Variants in DLG2 observed in about 807,000 individuals in gnomAD.
DLG2 encodes discs large MAGUK scaffold protein 2, also known as disks large homolog 2.
A neutral mutation model predicts 132.5 loss-of-function variants in DLG2; 45 were observed. The ratio of observed to expected loss-of-function variants is 0.34; its 90% CI spans 0.27 to 0.44. The LOEUF is 0.44. Among genes scored for constraint, DLG2 ranks in the 20% least tolerant of loss-of-function variants. The pLI is 1.00. For synonymous variants in DLG2, 424 were observed against 419.6 expected (o/e 1.01, Z -0.13); for missense variants, 1,045 against 1,196.9 (o/e 0.87, Z 1.87).
chr11:84,510,761 C>T (rs117648571), intron 7 of DLG2, among the ~76,000 whole-genome samples: 1 of 152,234 alleles, frequency 6.6e-6, no homozygotes, highest in Non-Finnish European at 1.5e-5. Context: ...TATGGCCTTA[C>T]ATAATGGGAA....
At chr11:84,970,423 G>A (rs1177888919) in intron 6 of DLG2, among the ~76,000 whole-genome samples, 1 of 151,956 alleles carries the variant, frequency 6.6e-6, no homozygotes, top group African/African-American at 2.4e-5. Context: ...AGTCCATTTG[G>A]GCTGCCATAA....
intron 6 of DLG2, among the ~76,000 whole-genome samples, chr11:85,082,149 T>C (rs1212993385): frequency 6.6e-6 from 1 of 152,172 alleles, no homozygotes; most frequent in Non-Finnish European, 1.5e-5. Flanking sequence ...TTTGATCAAT[T>C]TGTCTTTTAT....
intron 21 of DLG2, among the ~76,000 whole-genome samples, chr11:83,501,580 C>T (rs2094455000): frequency 2.0e-5 from 3 of 152,184 alleles, no homozygotes; most frequent in African/African-American, 4.8e-5. Context: ...TTTCTTTCAT[C>T]TCTACCATTC....
At chr11:83,684,795 C>T (rs543762011) in intron 18 of DLG2, among the ~76,000 whole-genome samples, 129 of 152,226 alleles carry the variant, frequency 8.5e-4, no homozygotes, top group Non-Finnish European at 1.5e-3. Flanking sequence ...CCATTTTCCC[C>T]TGCTACCTGG....
chr11:85,075,946 G>T (rs1346811314), intron 6 of DLG2, among the ~76,000 whole-genome samples: 3 of 151,732 alleles, frequency 2.0e-5, no homozygotes, highest in African/African-American at 4.8e-5. Flanking sequence ...TATACAAGGG[G>T]GATACAGGAA....
At chr11:83,717,640 CAG>C (rs1009222762) in intron 18 of DLG2, among the ~76,000 whole-genome samples, 11 of 152,134 alleles carry the variant, frequency 7.2e-5, no homozygotes, top group Non-Finnish European at 4.4e-5. Context: ...TGTAAAAACA[CAG>C]GGGGAAAAAA....
intron 3 of DLG2, among the ~76,000 whole-genome samples, chr11:85,354,099 AT>A (rs1176462629): frequency 3.3e-5 from 5 of 151,496 alleles, no homozygotes; most frequent in African/African-American, 1.2e-4. Flanking sequence ...CGCACTATTC[AT>A]TTTTTTCTAT....
At chr11:83,820,270 T>C (rs2050398812) in intron 17 of DLG2, among the ~76,000 whole-genome samples, 1 of 152,182 alleles carries the variant, frequency 6.6e-6, no homozygotes, top group South Asian at 2.1e-4. Flanking sequence ...AGCAGCTAAA[T>C]AGTCAGGTTT....
At chr11:84,935,803 T>G (rs1300830693) in intron 6 of DLG2, among the ~76,000 whole-genome samples, 1 of 152,196 alleles carries the variant, frequency 6.6e-6, no homozygotes, top group African/African-American at 2.4e-5. Context: ...CCCTTCTACC[T>G]GTACCCCACA....
chr11:84,310,952 T>C (rs2098280710), intron 7 of DLG2, among the ~76,000 whole-genome samples: 1 of 152,216 alleles, frequency 6.6e-6, no homozygotes, highest in South Asian at 2.1e-4. Flanking sequence ...AACACAGTTG[T>C]TCTTGCAGAA....
At chr11:85,111,776 G>T in intron 5 of DLG2, 41 bp from the exon 6 acceptor site, 1 of 1,422,294 alleles carries the variant, frequency 7.0e-7, no homozygotes, top group Non-Finnish European at 9.7e-7. Context: ...TATTTATTAT[G>T]GGCCAGTATG....
intron 24 of DLG2, among the ~76,000 whole-genome samples, chr11:83,470,301 CAG>C (rs767509399): frequency 5.3e-5 from 8 of 151,966 alleles, no homozygotes; most frequent in East Asian, 1.9e-4. Flanking sequence ...AAAATCATCA[CAG>C]AGAAAAAATG....
chr11:84,656,319 C>T (rs748800495), intron 6 of DLG2, among the ~76,000 whole-genome samples: 12 of 152,088 alleles, frequency 7.9e-5, no homozygotes, highest in Admixed American at 3.3e-4. Flanking sequence ...GACATCCATT[C>T]GATTCACTTG....
intron 6 of DLG2, among the ~76,000 whole-genome samples, chr11:84,732,648 T>C (rs982486758): frequency 1.3e-5 from 2 of 151,650 alleles, no homozygotes; most frequent in East Asian, 1.9e-4. Flanking sequence ...TATATATAAA[T>C]ATATATTTAT....
chr11:83,539,691 C>G (rs890768814), intron 20 of DLG2, among the ~76,000 whole-genome samples: 1 of 151,334 alleles, frequency 6.6e-6, no homozygotes, highest in East Asian at 1.9e-4. Context: ...CTACTGCACC[C>G]TTCATAAAAA....
At chr11:84,352,070 A>G (rs185181938) in intron 7 of DLG2, among the ~76,000 whole-genome samples, 9 of 152,330 alleles carry the variant, frequency 5.9e-5, no homozygotes, top group Middle Eastern at 6.8e-3. Context: ...ATTGATTCAT[A>G]GAACCTTTTT....
rs145121146 is a variant in DLG2 at position 84,892,633 on chromosome 11, G to A, written c.357+219028C>T. Among the ~76,000 whole-genome samples, 60 of 152,162 alleles carry A rather than the reference G, an allele frequency of 3.9e-4. No individual in the cohort carries two copies. The East Asian group carries it at 0.011, about 28-fold the overall frequency. On this transcript the variant is annotated intron_variant, in intron 6 of 27. Transcript: ENST00000376104. The stretch of plus-strand genomic sequence containing the variant: ...ATAAAAATAACACTGGTGGACTTAA[G>A]AGAATTTTTCTCCTTTAAAGAAGAA...
intron 6 of DLG2, among the ~76,000 whole-genome samples, chr11:85,062,362 AATAG>A (rs1372943491): frequency 1.3e-5 from 2 of 151,830 alleles, no homozygotes; most frequent in Non-Finnish European, 2.9e-5. Flanking sequence ...TTTTATTTGT[AATAG>A]ATAGACTTTA....
intron 7 of DLG2, among the ~76,000 whole-genome samples, chr11:84,438,980 C>G (rs1227551554): frequency 3.3e-5 from 5 of 152,144 alleles, no homozygotes; most frequent in African/African-American, 1.2e-4. Flanking sequence ...GAATCAACAA[C>G]AACAACAACA....
Sources: gnomAD v4.1 joint callset for allele counts (sites outside exome capture counted in the v4.1 genomes callset) on GRCh38, gnomAD v4.1.1 for gene constraint, MANE v1.5 for transcripts, NCBI Gene and HGNC (gene_info 2026-07-23, HGNC 2026-07-21) for gene names.